Variants in CTNNA2 observed in about 807,000 individuals in gnomAD.
CTNNA2 encodes the protein catenin alpha-2.
A neutral mutation model predicts 101.0 loss-of-function variants in CTNNA2; 42 were observed. The observed-to-expected ratio is 0.42, with a 90% confidence interval of 0.32 to 0.54. The LOEUF (loss-of-function observed/expected upper bound fraction) is 0.54, where lower values mean the gene tolerates loss of function less well. Among genes scored for constraint, CTNNA2 ranks in the 20% least tolerant of loss-of-function variants. The probability of loss-of-function intolerance (pLI) is 0.14; values close to 1 mark genes in which losing one functional copy is unlikely to be tolerated. For synonymous variants in CTNNA2, 450 were observed against 456.4 expected (o/e 0.99, Z 0.18); for missense variants, 871 against 1,223.1 (o/e 0.71, Z 4.29).
chr2:79,853,879 G>C (rs1680922499), intron 3 of CTNNA2, among the ~76,000 whole-genome samples: 2 of 151,954 alleles, frequency 1.3e-5, no homozygotes, highest in Admixed American at 1.3e-4. Context: ...TGTTGGTCAG[G>C]CTGGTCTTGA....
chr2:79,532,435 T>C (rs892932930), intron 1 of CTNNA2, among the ~76,000 whole-genome samples: 2 of 152,202 alleles, frequency 1.3e-5, no homozygotes, highest in Non-Finnish European at 2.9e-5. Flanking sequence ...GCTATAGTAC[T>C]ACTGTGATTG....
At chr2:79,523,244 T>C (rs755757707) in intron 1 of CTNNA2, 32 of 449,400 alleles carry the variant, frequency 7.1e-5, no homozygotes, top group South Asian at 4.9e-4. Context: ...CAATATGGGC[T>C]GTGGCATGGG....
At chr2:80,269,595 C>A (rs533330423) in intron 7 of CTNNA2, among the ~76,000 whole-genome samples, 1 of 152,004 alleles carries the variant, frequency 6.6e-6, no homozygotes, top group Non-Finnish European at 1.5e-5. Context: ...AAAAAAAATG[C>A]TGTTATATGT....
At chr2:80,603,679 A>G (rs953546661) in intron 15 of CTNNA2, 5 of 159,176 alleles carry the variant, frequency 3.1e-5, no homozygotes, top group African/African-American at 9.6e-5. Context: ...TTTTGGGCTC[A>G]TTTTATTTTC....
At chr2:80,270,989 G>C (rs1396274126) in intron 7 of CTNNA2, among the ~76,000 whole-genome samples, 2 of 152,088 alleles carry the variant, frequency 1.3e-5, no homozygotes, top group Non-Finnish European at 2.9e-5. Context: ...AGTTATCTTT[G>C]ATCATATAAG....
chr2:80,578,173 AAT>A (rs1695226874), intron 13 of CTNNA2, among the ~76,000 whole-genome samples: 1 of 152,132 alleles, frequency 6.6e-6, no homozygotes, highest in Admixed American at 6.5e-5. Flanking sequence ...TTTAGGAGAG[AAT>A]CTGGAGTCTG....
intron 1 of CTNNA2, among the ~76,000 whole-genome samples, chr2:79,518,784 G>T (rs2103860449): frequency 6.6e-6 from 1 of 152,266 alleles, no homozygotes; most frequent in Admixed American, 6.5e-5. Context: ...GTACTCAATT[G>T]TTTCCGGGAA....
At chr2:79,454,238 T>G (rs2104529458) in intron 4 of CTNNA2, among the ~76,000 whole-genome samples, 1 of 152,284 alleles carries the variant, frequency 6.6e-6, no homozygotes, top group South Asian at 2.1e-4. Flanking sequence ...TTGTATATTT[T>G]ACCCTGTGAG....
At chr2:79,187,132 A>G (rs1292510707) in intron 1 of CTNNA2, among the ~76,000 whole-genome samples, 1 of 152,146 alleles carries the variant, frequency 6.6e-6, no homozygotes, top group East Asian at 1.9e-4. Context: ...ACCAAGAAAT[A>G]TCCACATTTG....
chr2:79,316,303 T>TGGAA (rs1676496077), intron 3 of CTNNA2, among the ~76,000 whole-genome samples: 1 of 152,044 alleles, frequency 6.6e-6, no homozygotes, highest in African/African-American at 2.4e-5. Flanking sequence ...TTCAATGATC[T>TGGAA]TTGTGTCTCT....
intron 9 of CTNNA2, among the ~76,000 whole-genome samples, chr2:80,443,087 C>G (rs1344511653): frequency 1.3e-5 from 2 of 152,156 alleles, no homozygotes; most frequent in African/African-American, 4.8e-5. Flanking sequence ...GTATTAACAA[C>G]CAAACTGAAT....
intron 7 of CTNNA2, among the ~76,000 whole-genome samples, chr2:80,365,253 G>A (rs898210700): frequency 2.0e-5 from 3 of 152,082 alleles, no homozygotes; most frequent in Non-Finnish European, 4.4e-5. Context: ...TGAAATTCAA[G>A]GGACTACTTC....
intron 7 of CTNNA2, among the ~76,000 whole-genome samples, chr2:79,938,569 C>T (rs1249525099): frequency 2.6e-5 from 4 of 152,130 alleles, no homozygotes; most frequent in East Asian, 1.9e-4. Context: ...GCGATCTGTT[C>T]GCATTATGCA....
intron 7 of CTNNA2, among the ~76,000 whole-genome samples, chr2:80,316,331 A>G (rs1678119947): frequency 6.6e-6 from 1 of 152,232 alleles, no homozygotes; most frequent in African/African-American, 2.4e-5. Context: ...TTCAGATATT[A>G]GAGCAATTTT....
At chr2:80,231,045 C>T (rs993304067) in intron 7 of CTNNA2, among the ~76,000 whole-genome samples, 4 of 152,066 alleles carry the variant, frequency 2.6e-5, no homozygotes, top group Non-Finnish European at 4.4e-5. Context: ...GATCTCGGCT[C>T]ACTGAAACCT....
chr2:79,920,419 G>A (rs374837816), intron 7 of CTNNA2, among the ~76,000 whole-genome samples: 13 of 152,230 alleles, frequency 8.5e-5, no homozygotes, highest in Middle Eastern at 3.4e-3. Context: ...TTTACTTTCC[G>A]TGAAGAGGGA....
chr2:79,371,113 T>G (rs890024871), intron 3 of CTNNA2, among the ~76,000 whole-genome samples: 2 of 147,718 alleles, frequency 1.4e-5, no homozygotes, highest in Non-Finnish European at 3.0e-5. Context: ...GCCGAATAAC[T>G]TCTAGCATGG....
intron 3 of CTNNA2, among the ~76,000 whole-genome samples, chr2:79,763,986 C>A (rs1672970885): frequency 1.3e-5 from 2 of 152,218 alleles, no homozygotes; most frequent in South Asian, 4.1e-4. Flanking sequence ...TCCATCCACT[C>A]CCCTCCCTGC....
At chr2:80,475,030 G>C (rs1685614943) in intron 9 of CTNNA2, among the ~76,000 whole-genome samples, 2 of 152,132 alleles carry the variant, frequency 1.3e-5, no homozygotes, top group South Asian at 2.1e-4. Flanking sequence ...GTGTCTGTGA[G>C]TTGGGTGATT....
Sources: gnomAD v4.1 joint callset for allele counts (sites outside exome capture counted in the v4.1 genomes callset) on GRCh38, gnomAD v4.1.1 for gene constraint, MANE v1.5 for transcripts, NCBI Gene and HGNC (gene_info 2026-07-23, HGNC 2026-07-21) for gene names.